UBE2E2: variants seen among roughly 807,000 people sequenced by gnomAD.
UBE2E2 encodes the protein ubiquitin conjugating enzyme E2 E2, also known as ubiquitin-conjugating enzyme E2 E2.
Under a neutral mutation model 24.7 loss-of-function variants are expected in UBE2E2, and 6 were observed. The observed-to-expected ratio is 0.24, with a 90% CI of 0.13 to 0.48. UBE2E2 has a LOEUF of 0.48. Among genes scored for constraint, UBE2E2 ranks in the 20% least tolerant of loss-of-function variants. UBE2E2 has a pLI of 0.99. For synonymous variants in UBE2E2, 104 were observed against 83.6 expected, an observed-to-expected ratio of 1.24 and a Z score of -1.33; for missense variants, 169 against 245.0, an observed-to-expected ratio of 0.69 and a Z score of 2.07.
At chr3:23,291,688 T>A (rs1698768769) in intron 3 of UBE2E2, among the ~76,000 whole-genome samples, 1 of 142,048 alleles carries the variant, frequency 7.0e-6, no homozygotes. Flanking sequence ...AGGGGCTTTT[T>A]TTTTTTTTTT....
chr3:23,252,682 A>G (rs1697606944), intron 3 of UBE2E2, among the ~76,000 whole-genome samples: 1 of 152,114 alleles, frequency 6.6e-6, no homozygotes, highest in Non-Finnish European at 1.5e-5. Flanking sequence ...TTTTTAGTAG[A>G]GACGAGGTTT....
intron 3 of UBE2E2, among the ~76,000 whole-genome samples, chr3:23,310,135 C>T (rs1400570313): frequency 6.6e-6 from 1 of 152,054 alleles, no homozygotes; most frequent in Non-Finnish European, 1.5e-5. Context: ...TAAAAATCAC[C>T]ACAATATAAC....
intron 3 of UBE2E2, among the ~76,000 whole-genome samples, chr3:23,360,627 A>C (rs896272039): frequency 6.6e-6 from 1 of 152,146 alleles, no homozygotes; most frequent in Non-Finnish European, 1.5e-5. Flanking sequence ...TTTTCCAGTT[A>C]ATACTTCATT....
At chr3:23,239,114 A>G (rs1312589555) in intron 3 of UBE2E2, among the ~76,000 whole-genome samples, 1 of 152,108 alleles carries the variant, frequency 6.6e-6, no homozygotes, top group Admixed American at 6.6e-5. Flanking sequence ...TCTTCTTTGA[A>G]ACAGTATGAG....
chr3:23,342,111 T>G (rs1481744067), intron 3 of UBE2E2, among the ~76,000 whole-genome samples: 4 of 152,186 alleles, frequency 2.6e-5, no homozygotes, highest in Non-Finnish European at 4.4e-5. Flanking sequence ...GGAAAGCTAT[T>G]GACAGAAACA....
At chr3:23,432,451 C>T (rs1698083100) in intron 3 of UBE2E2, among the ~76,000 whole-genome samples, 1 of 152,086 alleles carries the variant, frequency 6.6e-6, no homozygotes, top group African/African-American at 2.4e-5. Flanking sequence ...AAATTTTTTA[C>T]ATCAGTGATA....
At chr3:23,397,964 G>T (rs575515797) in intron 3 of UBE2E2, among the ~76,000 whole-genome samples, 1 of 151,954 alleles carries the variant, frequency 6.6e-6, no homozygotes, top group South Asian at 2.1e-4. Context: ...TTTCTCCTCG[G>T]TCTGTTATAT....
intron 3 of UBE2E2, among the ~76,000 whole-genome samples, chr3:23,403,942 G>C (rs940025976): frequency 6.6e-6 from 1 of 152,100 alleles, no homozygotes; most frequent in Non-Finnish European, 1.5e-5. Context: ...GACCATTGCA[G>C]CATCTGTCAT....
At chr3:23,458,391 C>CTGGTGGTGGTGATGG (rs1553613012) in intron 3 of UBE2E2, among the ~76,000 whole-genome samples, 4 of 122,486 alleles carry the variant, frequency 3.3e-5, no homozygotes, top group African/African-American at 1.5e-4. Context: ...AGAGAGATCG[C>CTGGTGGTGGTGATGG]TGGTGGTGGT....
At chr3:23,456,109 T>A (rs1485095011) in intron 3 of UBE2E2, among the ~76,000 whole-genome samples, 1 of 152,256 alleles carries the variant, frequency 6.6e-6, no homozygotes, top group African/African-American at 2.4e-5. Context: ...AAGTAATCAC[T>A]TTCTTTGCTT....
chr3:23,318,273 T>C (rs1183373532), intron 3 of UBE2E2, among the ~76,000 whole-genome samples: 1 of 152,174 alleles, frequency 6.6e-6, no homozygotes, highest in Non-Finnish European at 1.5e-5. Context: ...CAAGTGATTC[T>C]TCCACCTGAG....
chr3:23,330,776 C>T (rs1695037146), intron 3 of UBE2E2, among the ~76,000 whole-genome samples: 2 of 152,178 alleles, frequency 1.3e-5, no homozygotes, highest in South Asian at 4.1e-4. Flanking sequence ...GATCGAATTA[C>T]TATCCTAGGC....
chr3:23,471,861 A>G (rs73043633), intron 3 of UBE2E2, among the ~76,000 whole-genome samples: 6,829 of 152,270 alleles, frequency 0.045, 198 homozygotes, highest in Middle Eastern at 0.15. Context: ...TGTGAAAACA[A>G]TTGAAAAGAC....
At chr3:23,423,102 G>T (rs1240937618) in intron 3 of UBE2E2, among the ~76,000 whole-genome samples, 3 of 152,172 alleles carry the variant, frequency 2.0e-5, no homozygotes, top group Non-Finnish European at 4.4e-5. Context: ...AGGTTCATTG[G>T]TTTGCAGTTC....
At chr3:23,271,967 G>A (rs1047650400) in intron 3 of UBE2E2, among the ~76,000 whole-genome samples, 5 of 152,194 alleles carry the variant, frequency 3.3e-5, no homozygotes, top group Admixed American at 1.3e-4. Flanking sequence ...AGCTGGCTTC[G>A]CCTAGTGGAT....
At chr3:23,497,535 A>G (rs1479875576) in intron 3 of UBE2E2, among the ~76,000 whole-genome samples, 1 of 152,078 alleles carries the variant, frequency 6.6e-6, no homozygotes, top group South Asian at 2.1e-4. Flanking sequence ...TTAATACTCT[A>G]TGTTTGTGTT....
intron 3 of UBE2E2, among the ~76,000 whole-genome samples, chr3:23,284,877 G>A (rs190365855): frequency 1.3e-5 from 2 of 150,146 alleles, no homozygotes; most frequent in Admixed American, 1.3e-4. Context: ...AATTATTACT[G>A]ACTGTAGCCA....
At chr3:23,555,525 G>A (rs2125501056) in intron 5 of UBE2E2, among the ~76,000 whole-genome samples, 1 of 152,210 alleles carries the variant, frequency 6.6e-6, no homozygotes, top group East Asian at 1.9e-4. Context: ...ATACCCAAAG[G>A]AAATGAAATA....
intron 3 of UBE2E2, among the ~76,000 whole-genome samples, chr3:23,320,534 C>T (rs943828965): frequency 5.3e-5 from 8 of 152,196 alleles, no homozygotes; most frequent in African/African-American, 1.9e-4. Context: ...TGCTAATCTA[C>T]TTTGCCTCTA....
Sources: allele counts gnomAD v4.1 joint callset (sites outside exome capture counted in the v4.1 genomes callset), GRCh38; gene constraint gnomAD v4.1.1; transcripts MANE v1.5; gene names NCBI Gene and HGNC (gene_info 2026-07-23, HGNC 2026-07-21).